IL16: variants seen among roughly 807,000 people sequenced by gnomAD.
IL16 encodes the protein interleukin 16, also known as pro-interleukin-16.
Under a neutral mutation model 110.1 loss-of-function variants are expected in IL16, and 67 were observed. The observed-to-expected ratio is 0.61, with a 90% confidence interval of 0.50 to 0.75. IL16 has a LOEUF of 0.75. IL16 is among the 30% of genes least tolerant of loss of function. The pLI, the probability that IL16 is intolerant of heterozygous loss-of-function variation, is 0.00. For synonymous variants in IL16, 689 were observed against 662.9 expected (o/e 1.04, Z -0.61); for missense variants, 1,545 against 1,655.0 (o/e 0.93, Z 1.15).
At chr15:81,218,101 T>G (rs747614636) in intron 1 of IL16, among the ~76,000 whole-genome samples, 18 of 152,136 alleles carry the variant, frequency 1.2e-4, no homozygotes, top group Non-Finnish European at 2.4e-4. Flanking sequence ...TGTTCAGAGG[T>G]TACATGATTG....
chr15:81,262,677 A>G (rs1051350132), intron 3 of IL16, among the ~76,000 whole-genome samples: 12 of 152,336 alleles, frequency 7.9e-5, no homozygotes, highest in Admixed American at 1.3e-4. Flanking sequence ...CACGCCTGTA[A>G]TCCCAGCACT....
chr15:81,233,084 G>A (rs1415280972), intron 2 of IL16, among the ~76,000 whole-genome samples: 1 of 151,986 alleles, frequency 6.6e-6, no homozygotes, highest in Non-Finnish European at 1.5e-5. Flanking sequence ...ATCAGTTTTG[G>A]TAAGATGCAT....
rs1277971079 is a variant in IL16 at position 81,297,109 on chromosome 15, AGGGTCTTTTG to A, written c.2053+32_2053+41del. On this transcript the variant is annotated intron_variant, in intron 13 of 18. Transcript: ENST00000683961. ...CTTTCATTGAGATCTTCCAAAAGGA[AGGGTCTTTTG>A]AAAAAAGGTGCAGGGATAAGATAAG... The A allele has an allele frequency of 6.3e-6, 10 of 1,594,480 alleles. No homozygotes were observed. The Admixed American group carries it at 1.2e-4, about 20-fold the overall frequency.
chr15:81,214,731 T>A (rs1896365446), intron 1 of IL16, among the ~76,000 whole-genome samples: 1 of 152,190 alleles, frequency 6.6e-6, no homozygotes, highest in Admixed American at 6.5e-5. Context: ...AGGTGCTTAT[T>A]CTCTCTCCTT....
intron 1 of IL16, among the ~76,000 whole-genome samples, chr15:81,215,522 G>A (rs553475407): frequency 4.6e-5 from 7 of 152,230 alleles, no homozygotes; most frequent in South Asian, 4.1e-4. Flanking sequence ...CTCTGCAGTC[G>A]GGGGTGGAGA....
chr15:81,269,448 C>T (rs1898534137), intron 4 of IL16, 90 bp from the exon 5 acceptor site: 10 of 865,124 alleles, frequency 1.2e-5, no homozygotes, highest in Non-Finnish European at 2.0e-5. Flanking sequence ...CTTGGTTCCT[C>T]TCTTTGGCTG....
intron 16 of IL16, 87 bp from the exon 17 acceptor site, chr15:81,305,821 A>G: frequency 6.6e-7 from 1 of 1,512,358 alleles, no homozygotes; most frequent in African/African-American, 1.4e-5. Context: ...ATCCTCTAGC[A>G]TTGACTAACC....
intron 1 of IL16, 90 bp from the exon 2 acceptor site, chr15:81,225,209 A>G: frequency 9.2e-7 from 1 of 1,086,486 alleles, no homozygotes; most frequent in Admixed American, 2.8e-5. Flanking sequence ...ACGGGCACCA[A>G]GAACCCGTGG....
chr15:81,211,392 C>T (rs1896237819), intron 1 of IL16, among the ~76,000 whole-genome samples: 1 of 152,134 alleles, frequency 6.6e-6, no homozygotes, highest in South Asian at 2.1e-4. Flanking sequence ...GCTGGGATTA[C>T]AGGCATGCAC....
chr15:81,297,241 A>G (rs1014867798), intron 13 of IL16, among the ~76,000 whole-genome samples, 163 bp downstream of exon 13: 6 of 152,138 alleles, frequency 3.9e-5, no homozygotes, highest in African/African-American at 1.4e-4. Context: ...GGGCAGCAGC[A>G]CCGTGGAGGT....
rs1449318741 is a variant in IL16 at position 81,243,161 on chromosome 15, A to ATT, written c.313-16610_313-16609insTT. Among the ~76,000 whole-genome samples the ATT allele has an allele frequency of 5.4e-3, 150 of 27,766 alleles. 4 individuals are homozygous for ATT. Among genetic ancestry groups the ATT allele is most frequent in the Non-Finnish European group, 6.3e-3 (88 of 13,976 alleles). The allele number at this position is 27,766 out of a possible 152,430, so 18.2% of individuals were successfully genotyped here. The stretch of plus-strand genomic sequence containing the variant: ...TATATAAGTATATATATATATATAT[A>ATT]TATTTTTTTTTTTTTTTTTTTTTTT... On this transcript the variant is annotated intron_variant, in intron 2 of 18. Transcript: ENST00000683961.
chr15:81,208,243 T>A (rs192290429), intron 1 of IL16, among the ~76,000 whole-genome samples: 98 of 152,356 alleles, frequency 6.4e-4, no homozygotes, highest in African/African-American at 2.2e-3. Context: ...CTTGTTGATT[T>A]GTTTAAGTTC....
Position 81,239,184 on chromosome 15 carries a change from A to G in IL16, c.312+13473A>G, listed in dbSNP as rs891097658. Reference sequence around the variant, plus strand: ...CAGTTCTTGACATTATAAGTGACTCAATTGTATCTTGGACATTTTGATTAT... The same window carrying G: ...CAGTTCTTGACATTATAAGTGACTCGATTGTATCTTGGACATTTTGATTAT... On this transcript the variant is annotated intron_variant, in intron 2 of 18. Transcript: ENST00000683961. Among the ~76,000 whole-genome samples the G allele has an allele frequency of 1.2e-4, 19 of 152,104 alleles. 1 individual carries two copies. Among genetic ancestry groups the G allele is most frequent in the African/African-American group, 4.3e-4 (18 of 41,404 alleles).
At position 81,196,892 on chromosome 15, in the gene IL16, G is replaced by A; in HGVS notation, c.-362G>A. 1 of 1,176,934 alleles carries A rather than the reference G, an allele frequency of 8.5e-7. No individual in the cohort carries two copies. Among genetic ancestry groups the A allele is most frequent in the African/African-American group, 1.6e-5 (1 of 61,938 alleles). 72.9% of individuals were successfully genotyped at this position (1,176,934 alleles called of 1,614,324 possible). ...GCCAGGTGGGACACATTTGTCCTGA[G>A]TCACCTGTCCAGAGCAGGTGGTGAA... On this transcript the variant is annotated 5_prime_UTR_variant, in exon 1 of 19. Coordinates refer to ENST00000683961, the MANE Select transcript of IL16 (RefSeq NM_172217.5).
Position 81,271,331 on chromosome 15 carries a change from G to A in IL16, c.675+1683G>A, listed in dbSNP as rs187483656. On this transcript the variant is annotated intron_variant, in intron 5 of 18. Coordinates refer to ENST00000683961, the MANE Select transcript of IL16 (RefSeq NM_172217.5). ...AATAAATATATAAAATAATTAACCC[G>A]GTATGCTGGCACATGCCTGTAGTCC... Among the ~76,000 whole-genome samples, 375 of 151,648 alleles carry A rather than the reference G, an allele frequency of 2.5e-3. 2 individuals are homozygous for A. The highest frequency in any genetic ancestry group is 8.5e-3 in the African/African-American group (352 of 41,382).
rs1898343333 is a variant in IL16, at chr15:81,265,660, T to A, written c.423T>A (p.Ser141Arg). 2 of 1,613,896 alleles carry A rather than the reference T, an allele frequency of 1.2e-6. No homozygotes were observed. Among genetic ancestry groups the A allele is most frequent in the Non-Finnish European group, 1.7e-6 (2 of 1,179,908 alleles). ...CHQRARSNSTSVNPYCTREID... is the reference protein window; with the variant it reads ...CHQRARSNSTRVNPYCTREID... ...GCTGTTTTTCCTCTTCTGGTTTAGG[T>A]GTTAATCCCTATTGCACAAGAGAAA... The change falls in exon 4 of 19, where the codon AGT becomes AGA. Residue 141 changes from serine (S) to arginine (R), a missense_variant and splice_region_variant. Ser to Arg is a moderately radical substitution (Grantham distance 110). Around this residue, in one of 3 missense-constraint regions of IL16, gnomAD observed 1,185 missense variants for 1,238.8 expected, o/e 0.96. Transcript: ENST00000683961.
intron 10 of IL16, among the ~76,000 whole-genome samples, chr15:81,286,923 A>G (rs936164347): frequency 6.6e-6 from 1 of 152,222 alleles, no homozygotes; most frequent in Non-Finnish European, 1.5e-5. Context: ...ACAAGAGAGA[A>G]TAAGAGCCAA....
At chr15:81,284,460 G>A (rs1056730304) in intron 9 of IL16, among the ~76,000 whole-genome samples, 1 of 152,208 alleles carries the variant, frequency 6.6e-6, no homozygotes, top group Non-Finnish European at 1.5e-5. Context: ...GTTCCATGTG[G>A]TTGTCTTGGT....
intron 6 of IL16, 126 bp downstream of exon 6, chr15:81,273,330 C>T: frequency 1.6e-6 from 1 of 610,346 alleles, no homozygotes. Flanking sequence ...GGCCAGCATG[C>T]ATCCTGGGGT....
Sources: gnomAD v4.1 joint callset for allele counts (sites outside exome capture counted in the v4.1 genomes callset) on GRCh38, gnomAD v4.1.1 for gene constraint, gnomAD v4.1.1 regional missense constraint, MANE v1.5 for transcripts, NCBI Gene and HGNC (gene_info 2026-07-23, HGNC 2026-07-21) for gene names.